NXPE2: variants seen among roughly 807,000 people sequenced by gnomAD.
NXPE2 encodes neurexophilin and PC-esterase domain family member 2.
In NXPE2, 34 loss-of-function variants were observed where a neutral mutation model predicts 34.4. The ratio of observed to expected loss-of-function variants is 0.99; its 90% CI spans 0.75 to 1.31. The LOEUF (loss-of-function observed/expected upper bound fraction) is 1.31, where lower values mean the gene tolerates loss of function less well. NXPE2 is among the 40% of genes most tolerant of loss of function. NXPE2 has a pLI of 0.00. For missense variants in NXPE2, 649 were observed against 672.5 expected (o/e 0.97, Z 0.39); for synonymous variants, 235 against 231.3 (o/e 1.02, Z -0.15).
At chr11:114,785,892 C>T in the NXPE2 span, among the ~76,000 whole-genome samples, 1 of 152,200 alleles carries the variant, frequency 6.6e-6, no homozygotes, top group African/African-American at 2.4e-5. Flanking sequence ...ATTTCTTGGC[C>T]TCGACTCTTC....
intron 2 of NXPE2, among the ~76,000 whole-genome samples, chr11:114,682,793 A>T (rs1254173148): frequency 6.6e-6 from 1 of 152,064 alleles, no homozygotes; most frequent in Admixed American, 6.5e-5. Context: ...CATTTCCTTT[A>T]GACCTTTAAG....
At chr11:114,629,247 T>G in the NXPE2 span, among the ~76,000 whole-genome samples, 92 of 152,218 alleles carry the variant, frequency 6.0e-4, 1 homozygote, top group African/African-American at 2.1e-3. Flanking sequence ...ATATCCTTGA[T>G]GAACATTGAT....
chr11:114,613,642 G>T, the NXPE2 span, among the ~76,000 whole-genome samples: 1 of 151,432 alleles, frequency 6.6e-6, no homozygotes, highest in African/African-American at 2.4e-5. Flanking sequence ...GATAACAAGT[G>T]TTGCCTTTGG....
intron 2 of NXPE2, among the ~76,000 whole-genome samples, chr11:114,680,695 CCATACT>C (rs1440740479): frequency 2.0e-5 from 3 of 152,120 alleles, no homozygotes; most frequent in Non-Finnish European, 1.5e-5. Flanking sequence ...GATTCCTGAG[CCATACT>C]CAGAACTACT....
chr11:114,481,777 C>G, the NXPE2 span, among the ~76,000 whole-genome samples: 2 of 152,112 alleles, frequency 1.3e-5, no homozygotes, highest in Non-Finnish European at 2.9e-5. Flanking sequence ...AAATCTATCT[C>G]CCTTCTAAAG....
At chr11:114,506,512 C>G in the NXPE2 span, among the ~76,000 whole-genome samples, 3 of 152,086 alleles carry the variant, frequency 2.0e-5, no homozygotes, top group East Asian at 5.8e-4. Flanking sequence ...TGCAAAAGAA[C>G]TGAAATCATG....
the NXPE2 span, among the ~76,000 whole-genome samples, chr11:114,614,597 G>A: frequency 0.024 from 3,635 of 151,786 alleles, 131 homozygotes; most frequent in African/African-American, 0.08. Flanking sequence ...GATAGTAAGC[G>A]TTGCCTCGTG....
chr11:114,696,246 G>A (rs1413460023), intron 2 of NXPE2, among the ~76,000 whole-genome samples: 2 of 149,142 alleles, frequency 1.3e-5, no homozygotes, highest in African/African-American at 2.5e-5. Context: ...GATTACCTAA[G>A]CCTGGAGCCT....
chr11:114,776,144 TG>T, the NXPE2 span, among the ~76,000 whole-genome samples: 11 of 152,198 alleles, frequency 7.2e-5, no homozygotes, highest in African/African-American at 2.7e-4. Flanking sequence ...TGCAGAGGCC[TG>T]GGGAGGATGA....
chr11:114,642,663 T>C, the NXPE2 span, among the ~76,000 whole-genome samples: 1 of 152,122 alleles, frequency 6.6e-6, no homozygotes, highest in African/African-American at 2.4e-5. Flanking sequence ...CAGTCTATTA[T>C]TGATGGACAT....
intron 2 of NXPE2, among the ~76,000 whole-genome samples, chr11:114,690,100 T>C (rs1426493823): frequency 6.6e-6 from 1 of 152,162 alleles, no homozygotes; most frequent in Non-Finnish European, 1.5e-5. Context: ...GGTTAATTGA[T>C]AATTGATATG....
the NXPE2 span, among the ~76,000 whole-genome samples, chr11:114,652,648 T>C: frequency 9.1e-4 from 138 of 152,338 alleles, no homozygotes; most frequent in African/African-American, 3.1e-3. Context: ...CTTGAAATCA[T>C]TCTTGAAGTT....
chr11:114,790,104 G>A, the NXPE2 span, among the ~76,000 whole-genome samples: 2 of 152,034 alleles, frequency 1.3e-5, no homozygotes, highest in African/African-American at 4.8e-5. Context: ...AAGATATCTT[G>A]CCCCTCGCTG....
chr11:114,651,343 C>G, the NXPE2 span, among the ~76,000 whole-genome samples: 1 of 151,514 alleles, frequency 6.6e-6, no homozygotes, highest in Non-Finnish European at 1.5e-5. Flanking sequence ...TAAGGTGGCA[C>G]GTCCGGAGTT....
At chr11:114,755,151 T>C in the NXPE2 span, among the ~76,000 whole-genome samples, 1 of 151,948 alleles carries the variant, frequency 6.6e-6, no homozygotes, top group Non-Finnish European at 1.5e-5. Context: ...AGCAGAAAAA[T>C]GGGGTTGGAG....
At chr11:114,626,242 G>T in the NXPE2 span, among the ~76,000 whole-genome samples, 2 of 152,220 alleles carry the variant, frequency 1.3e-5, no homozygotes, top group Non-Finnish European at 1.5e-5. Flanking sequence ...CAAACAAAAA[G>T]ACAGCAGTAA....
At chr11:114,474,063 AATAAAG>A in the NXPE2 span, among the ~76,000 whole-genome samples, 1 of 152,204 alleles carries the variant, frequency 6.6e-6, no homozygotes, top group Admixed American at 6.5e-5. Context: ...AGTAGAGAAA[AATAAAG>A]ATGAAGAGGT....
At chr11:114,573,140 T>C in the NXPE2 span, among the ~76,000 whole-genome samples, 4 of 152,090 alleles carry the variant, frequency 2.6e-5, no homozygotes, top group Non-Finnish European at 5.9e-5. Flanking sequence ...AAAGATAGTC[T>C]TTTCGAGACA....
chr11:114,617,290 C>G, the NXPE2 span, among the ~76,000 whole-genome samples: 10 of 138,918 alleles, frequency 7.2e-5, no homozygotes, highest in African/African-American at 2.4e-4. Flanking sequence ...GGATAACCAC[C>G]ATTACCCACC....
Sources: allele counts gnomAD v4.1 joint callset (sites outside exome capture counted in the v4.1 genomes callset), GRCh38; gene constraint gnomAD v4.1.1; transcripts MANE v1.5; gene names NCBI Gene and HGNC (gene_info 2026-07-23, HGNC 2026-07-21).